GLS: variants seen among roughly 807,000 people sequenced by gnomAD.
GLS encodes the protein glutaminase kidney isoform, mitochondrial.
GLS carries 36 observed loss-of-function variants against 86.7 expected under a neutral mutation model. The ratio of observed to expected loss-of-function variants is 0.42; its 90% confidence interval spans 0.32 to 0.55. The LOEUF is 0.55. Among genes scored for constraint, GLS ranks in the 20% least tolerant of loss-of-function variants. The pLI, the probability that GLS is intolerant of heterozygous loss-of-function variation, is 0.17. For missense variants in GLS, 528 were observed against 833.4 expected (o/e 0.63, Z 4.51); for synonymous variants, 317 against 305.9 (o/e 1.04, Z -0.38).
At chr2:190,922,928 C>G (rs1198838479) in intron 9 of GLS, among the ~76,000 whole-genome samples, 1 of 152,088 alleles carries the variant, frequency 6.6e-6, no homozygotes. Context: ...AGAGATAGAT[C>G]CCTGTATCAG....
At chr2:190,893,541 ATAAG>A (rs1205420998) in intron 1 of GLS, among the ~76,000 whole-genome samples, 6 of 152,210 alleles carry the variant, frequency 3.9e-5, no homozygotes, top group Non-Finnish European at 7.4e-5. Flanking sequence ...TGTGTAGAAT[ATAAG>A]TAAGTGATCA....
intron 1 of GLS, among the ~76,000 whole-genome samples, chr2:190,884,376 A>G (rs1688306821): frequency 6.6e-6 from 1 of 152,226 alleles, no homozygotes; most frequent in Admixed American, 6.5e-5. Context: ...TCTTTTCTCC[A>G]ATTCAACCTA....
At position 190,913,835 on chromosome 2, in the gene GLS, CTG is replaced by C; in HGVS notation, c.1038+3516_1038+3517del. 3.3e-6 allele frequency: 2 copies of C among 599,406 alleles called. No individual in the cohort carries two copies. Among genetic ancestry groups the C allele is most frequent in the Non-Finnish European group, 4.2e-6 (2 of 477,588 alleles). The allele number at this position is 599,406 out of a possible 1,614,324, so 37.1% of individuals were successfully genotyped here. On this transcript the variant is annotated intron_variant, in intron 7 of 17. Coordinates refer to ENST00000320717, the MANE Select transcript of GLS (RefSeq NM_014905.5). This position sits in a 1 kb window ranked among gnomAD's most constrained non-coding sequence, Gnocchi z 6.1. ...TGTTTTTTAGAGACAAGGTCTCTCT[CTG>C]TTGCCCAGTCTAAGTGCAGTGGTAC...
intron 14 of GLS, among the ~76,000 whole-genome samples, chr2:190,944,590 C>T (rs1261933413): frequency 6.6e-6 from 1 of 152,074 alleles, no homozygotes; most frequent in Non-Finnish European, 1.5e-5. Flanking sequence ...TGCTGTTTTT[C>T]AGACCACACA....
At chr2:190,903,835 A>G (rs1689037533) in intron 5 of GLS, among the ~76,000 whole-genome samples, 2 of 152,216 alleles carry the variant, frequency 1.3e-5, no homozygotes, top group Admixed American at 1.3e-4. Context: ...TTGATAGGAA[A>G]AAAATATAGT....
chr2:190,903,697 T>C (rs893424395), intron 5 of GLS, among the ~76,000 whole-genome samples: 1 of 152,218 alleles, frequency 6.6e-6, no homozygotes, highest in African/African-American at 2.4e-5. Flanking sequence ...CTAGAACATA[T>C]GTATTTTTAA....
In GLS at chr2:190,920,647, C is replaced by T. The variant is rs972773859; in HGVS notation, c.1039-377C>T. Reference sequence around the variant, plus strand: ...TATTTTATATATACTTAATTCTTTTCGAAGGGTGAAACTTTATTTTAAGTT... The same window carrying T: ...TATTTTATATATACTTAATTCTTTTTGAAGGGTGAAACTTTATTTTAAGTT... On this transcript the variant is annotated intron_variant, in intron 7 of 17. Coordinates refer to ENST00000320717, the MANE Select transcript of GLS (RefSeq NM_014905.5). The surrounding 1 kb of genome is among the most constrained non-coding windows in gnomAD (Gnocchi z 4.2). 5.3e-5 allele frequency among the ~76,000 whole-genome samples: 8 copies of T among 151,176 alleles called. No individual in the cohort carries two copies. The highest frequency in any genetic ancestry group is 1.2e-4 in the African/African-American group (5 of 41,322).
chr2:190,892,906 C>T (rs550619069), intron 1 of GLS, among the ~76,000 whole-genome samples: 7 of 152,034 alleles, frequency 4.6e-5, no homozygotes, highest in East Asian at 1.9e-4. Context: ...TTGGCAATAA[C>T]GTGGTCATTT....
intron 6 of GLS, among the ~76,000 whole-genome samples, chr2:190,909,215 A>T (rs1449761877): frequency 2.0e-5 from 3 of 151,902 alleles, no homozygotes; most frequent in Non-Finnish European, 4.4e-5. Context: ...TAATTGACAG[A>T]TAAAAATTGT....
chr2:190,913,592 T>C lies in GLS; in HGVS notation c.1038+3271T>C, dbSNP rs1049601988. 1 of 963,826 alleles carries C rather than the reference T, an allele frequency of 1.0e-6. No homozygotes were observed. The highest frequency in any genetic ancestry group is 1.2e-6 in the Non-Finnish European group (1 of 810,320). 59.7% of individuals were successfully genotyped at this position (963,826 alleles called of 1,614,324 possible). On this transcript the variant is annotated intron_variant, in intron 7 of 17. Transcript: ENST00000320717. This position sits in a 1 kb window ranked among gnomAD's most constrained non-coding sequence, Gnocchi z 6.1. ...GAAAGGAACAGTTATTTTTATATGATGTAGCAGTATCCTTACGTATTTGTT... is the reference window on the plus strand; with the variant it reads ...GAAAGGAACAGTTATTTTTATATGACGTAGCAGTATCCTTACGTATTTGTT...
intron 7 of GLS, chr2:190,919,909 GT>G (rs1689680397): frequency 6.5e-6 from 1 of 153,948 alleles, no homozygotes. Context: ...GCTACTGATT[GT>G]ATATATGTGA....
At chr2:190,927,578 A>G (rs1689940857) in intron 12 of GLS, 96 bp downstream of exon 12, 2 of 840,312 alleles carry the variant, frequency 2.4e-6, no homozygotes, top group East Asian at 2.8e-5. Context: ...AAAGCTGTAT[A>G]TTAATTTTTG....
In GLS at chr2:190,949,026, G is replaced by A. The variant is rs1451216113; in HGVS notation, c.1651-4539G>A. 6.6e-6 allele frequency among the ~76,000 whole-genome samples: 1 copy of A among 152,138 alleles called. No homozygotes were observed. Among genetic ancestry groups the A allele is most frequent in the Admixed American group, 6.5e-5 (1 of 15,282 alleles). ...ATGGCCTGGGGAAGACTGACAGCAA[G>A]GAAGGGACTTTCGGGCTAGTCTTTG... On this transcript the variant is annotated intron_variant, in intron 14 of 17. Transcript: ENST00000320717. This position sits in a 1 kb window ranked among gnomAD's most constrained non-coding sequence, Gnocchi z 4.0.
At chr2:190,934,236 CAA>C in intron 14 of GLS, 1 of 955,404 alleles carries the variant, frequency 1.0e-6, no homozygotes, top group Non-Finnish European at 1.2e-6. Context: ...TATAGTGTAG[CAA>C]AAAAGATTTC....
chr2:190,900,742 T>G (rs1180235810), intron 4 of GLS, 49 bp downstream of exon 4: 12 of 1,491,838 alleles, frequency 8.0e-6, no homozygotes, highest in Non-Finnish European at 1.1e-5. Context: ...CTTAATAAAT[T>G]CAGCTTAATT....
At position 190,913,793 on chromosome 2, in the gene GLS, C is replaced by CA. The variant is rs1689434149; in HGVS notation, c.1038+3473dup. Reference sequence around the variant, plus strand: ...CACTGTCTTCTATGTTTTTACCTCTCAGAGTTTTTTGTTTTTTGTTTTTTA... The same window carrying CA: ...CACTGTCTTCTATGTTTTTACCTCTCAAGAGTTTTTTGTTTTTTGTTTTTTA... On this transcript the variant is annotated intron_variant, in intron 7 of 17. Coordinates refer to ENST00000320717, the MANE Select transcript of GLS (RefSeq NM_014905.5). This position sits in a 1 kb window ranked among gnomAD's most constrained non-coding sequence, Gnocchi z 6.1. 5.2e-6 allele frequency: 5 copies of CA among 956,650 alleles called. No homozygotes were observed. Among genetic ancestry groups the CA allele is most frequent in the Non-Finnish European group, 6.2e-6 (5 of 803,796 alleles). 59.3% of individuals were successfully genotyped at this position (956,650 alleles called of 1,614,324 possible). A position where few individuals can be genotyped will look rare whatever the true frequency, so the allele number is the denominator to read the frequency against.
At chr2:190,933,519 G>A in intron 14 of GLS, 1 of 927,020 alleles carries the variant, frequency 1.1e-6, no homozygotes, top group South Asian at 5.0e-5. Flanking sequence ...TTCTGTCAGA[G>A]TTGTTATATA....
At chr2:190,932,823 T>A in intron 14 of GLS, 1 of 1,592,416 alleles carries the variant, frequency 6.3e-7, no homozygotes, top group Non-Finnish European at 8.6e-7. Context: ...TCTCTACAAC[T>A]GTAGTATATA....
At position 190,924,493 on chromosome 2, in the gene GLS, T is replaced by G. The variant is rs199622994; in HGVS notation, c.1198-50T>G. 3.3e-5 allele frequency: 30 copies of G among 907,424 alleles called. No homozygotes were observed. The highest frequency in any genetic ancestry group is 5.0e-5 in the Non-Finnish European group (27 of 536,140). 56.2% of individuals were successfully genotyped at this position (907,424 alleles called of 1,614,324 possible). A position where few individuals can be genotyped will look rare whatever the true frequency, so the allele number is the denominator to read the frequency against. On this transcript the variant is annotated intron_variant, in intron 10 of 17. Transcript: ENST00000320717. This position sits in a 1 kb window ranked among gnomAD's most constrained non-coding sequence, Gnocchi z 5.2. Reference sequence around the variant, plus strand: ...AATTTTTCATATATTTCTCTACTTATGTGCATTCCTGTGTGCCTGAATTTT... The same window carrying G: ...AATTTTTCATATATTTCTCTACTTAGGTGCATTCCTGTGTGCCTGAATTTT...
Sources: gnomAD v4.1 joint callset for allele counts (sites outside exome capture counted in the v4.1 genomes callset) on GRCh38, gnomAD v4.1.1 for gene constraint, Gnocchi (gnomAD v3.1) non-coding constraint, MANE v1.5 for transcripts, NCBI Gene and HGNC (gene_info 2026-07-23, HGNC 2026-07-21) for gene names.